Variants in LRP2BP observed in about 807,000 individuals in gnomAD.
LRP2BP encodes LRP2-binding protein.
In LRP2BP, 38 loss-of-function variants were observed where a neutral mutation model predicts 45.2. The ratio of observed to expected loss-of-function variants is 0.84; its 90% CI spans 0.65 to 1.10. The LOEUF is 1.10. LRP2BP is among the 50% of genes least tolerant of loss of function. The pLI, the probability that LRP2BP is intolerant of heterozygous loss-of-function variation, is 0.00. For synonymous variants in LRP2BP, 153 were observed against 153.9 expected, an observed-to-expected ratio of 0.99 and a Z score of 0.04; for missense variants, 385 against 418.9, an observed-to-expected ratio of 0.92 and a Z score of 0.71.
chr4:185,371,962 T>C (rs2095417602), intron 7 of LRP2BP, among the ~76,000 whole-genome samples: 1 of 152,058 alleles, frequency 6.6e-6, no homozygotes, highest in South Asian at 2.1e-4. Context: ...CACTCTAGAG[T>C]ACACCCAGGT....
At chr4:185,397,138 C>T (rs1214555053), upstream of LRP2BP, 1 of 1,613,014 alleles carries the variant, frequency 6.2e-7, no homozygotes. Flanking sequence ...TGGATCTGTT[C>T]TCTTCCTGCA....
chr4:185,371,388 A>C (rs947515848), intron 7 of LRP2BP, among the ~76,000 whole-genome samples: 3 of 151,898 alleles, frequency 2.0e-5, no homozygotes, highest in Admixed American at 6.6e-5. Flanking sequence ...AAAAGATACA[A>C]AAAATTAGCT....
chr4:185,396,017 G>T, upstream of LRP2BP: 1 of 599,278 alleles, frequency 1.7e-6, no homozygotes, highest in Non-Finnish European at 2.1e-6. Flanking sequence ...CCGCGGGGCC[G>T]GACAGCGGCT....
Position 185,378,151 on chromosome 4 carries a change from G to T in LRP2BP, c.36C>A (p.Pro12=), listed in dbSNP as rs768915895. The part of the protein sequence containing the change: ...KLTSEKLPKN[P]FYASVSQYAA... ...CATACTGAGATACAGAGGCATAAAAGGGGTTCTTGGGCAACTTTTCACTGG... is the reference window on the plus strand; with the variant it reads ...CATACTGAGATACAGAGGCATAAAATGGGTTCTTGGGCAACTTTTCACTGG... The change falls in exon 2 of 9, where the codon CCC becomes CCA. Residue 12 remains proline (P), a synonymous_variant. Transcript: ENST00000505916. 1 of 1,613,926 alleles carries T rather than the reference G, an allele frequency of 6.2e-7. No individual in the cohort carries two copies. Among genetic ancestry groups the T allele is most frequent in the Non-Finnish European group, 8.5e-7 (1 of 1,180,014 alleles).
At chr4:185,368,540 C>A (rs1189045264) in intron 8 of LRP2BP, among the ~76,000 whole-genome samples, 3 of 152,206 alleles carry the variant, frequency 2.0e-5, no homozygotes, top group Non-Finnish European at 4.4e-5. Flanking sequence ...CACCTTGTGT[C>A]CTTTTGCTCT....
At chr4:185,370,926 T>C (rs2095412616) in intron 7 of LRP2BP, 112 bp from the exon 8 acceptor site, 2 of 1,172,956 alleles carry the variant, frequency 1.7e-6, no homozygotes, top group African/African-American at 3.0e-5. Context: ...CTCTACTGCT[T>C]TGAGAACTAA....
chr4:185,373,227 A>G, intron 6 of LRP2BP, 148 bp from the exon 7 acceptor site: 1 of 704,778 alleles, frequency 1.4e-6, no homozygotes, highest in Non-Finnish European at 2.3e-6. Flanking sequence ...CGCATTTCAC[A>G]CTAGCACACA....
chr4:185,379,911 C>T (rs1401542236), intron 1 of LRP2BP, among the ~76,000 whole-genome samples: 2 of 152,156 alleles, frequency 1.3e-5, no homozygotes, highest in African/African-American at 4.8e-5. Flanking sequence ...GCAGCCTCAA[C>T]CTCTTGGGCT....
At chr4:185,397,110 C>T, upstream of LRP2BP, 3 of 1,611,312 alleles carry the variant, frequency 1.9e-6, no homozygotes, top group Non-Finnish European at 2.5e-6. Context: ...CGGGACTGGA[C>T]AAAGGTGGGA....
chr4:185,374,584 G>A (rs927943319), intron 4 of LRP2BP, 123 bp from the exon 5 acceptor site: 1 of 1,011,400 alleles, frequency 9.9e-7, no homozygotes, highest in Non-Finnish European at 1.4e-6. Flanking sequence ...ATGAATCTGT[G>A]CCCAAGGGGT....
Position 185,378,181 on chromosome 4 carries a change from C to T in LRP2BP, c.6G>A (p.Lys2=), listed in dbSNP as rs149880620. 4.6e-4 allele frequency: 745 copies of T among 1,613,748 alleles called. No individual in the cohort carries two copies. Among genetic ancestry groups the T allele is most frequent in the Non-Finnish European group, 5.8e-4 (679 of 1,179,952 alleles). M[K]LTSEKLPKNP... The stretch of plus-strand genomic sequence containing the variant: ...TCTTGGGCAACTTTTCACTGGTCAA[C>T]TTCATCCTTTTTCTGCAATGTGTAT... Residue 2 remains lysine (K), a synonymous_variant, in exon 2 of 9, where the codon AAG becomes AAA. Transcript: ENST00000505916.
Position 185,375,677 on chromosome 4 carries a change from T to C in LRP2BP, c.266A>G (p.Asp89Gly). The part of the protein sequence containing the change: ...LEQFEEIKEK[D>G]HQATYQLGVM... ...TCCTAGCTGGTAAGTTGCTTGATGG[T>C]CTTTCTCCTTGATTTCTTCAAACTG... The change falls in exon 4 of 9, where the codon GAC becomes GGC. Residue 89 changes from aspartate (D) to glycine (G), a missense_variant. Physicochemically the swap from Asp to Gly is moderately conservative, Grantham distance 94 (BLOSUM62 -1). Coordinates refer to ENST00000505916, the MANE Select transcript of LRP2BP (RefSeq NM_001377440.1). 6.2e-7 allele frequency: 1 copy of C among 1,611,994 alleles called. No individual in the cohort carries two copies. Among genetic ancestry groups the C allele is most frequent in the Non-Finnish European group, 8.5e-7 (1 of 1,179,296 alleles).
At chr4:185,394,631 C>T in intron 1 of LRP2BP, 148 bp downstream of exon 1, 2 of 450,268 alleles carry the variant, frequency 4.4e-6, no homozygotes, top group Non-Finnish European at 5.9e-6. Context: ...GTATCACACA[C>T]TGCCCCCAGA....
upstream of LRP2BP, chr4:185,396,986 C>A (rs1247390502): frequency 1.2e-5 from 20 of 1,612,814 alleles, no homozygotes; most frequent in Non-Finnish European, 1.7e-5. Context: ...AGCTTTTGTC[C>A]TGCAGGCTCA....
At position 185,374,450 on chromosome 4, in the gene LRP2BP, C is replaced by T; in HGVS notation, c.342G>A (p.Val114=). 1 of 1,611,320 alleles carries T rather than the reference C, an allele frequency of 6.2e-7. No homozygotes were observed. The highest frequency in any genetic ancestry group is 2.2e-5 in the East Asian group (1 of 44,866). ...AATCAAGAATTTTCTTCATATAGTC[C>T]ACCCCTTTCTCCTTCGACAAAAGAA... The part of the protein sequence containing the change: ...LGTTLDAEKG[V]DYMKKILDSP... Residue 114 remains valine (V), a synonymous_variant, in exon 5 of 9, where the codon GTG becomes GTA. Transcript: ENST00000505916.
chr4:185,382,003 A>C (rs530285079), intron 1 of LRP2BP, among the ~76,000 whole-genome samples: 152 of 152,300 alleles, frequency 1.0e-3, no homozygotes, highest in African/African-American at 3.6e-3. Flanking sequence ...CAGAAGAAAC[A>C]CTGTAGCATC....
intron 1 of LRP2BP, among the ~76,000 whole-genome samples, chr4:185,387,012 A>G (rs907152359): frequency 1.3e-5 from 2 of 152,188 alleles, no homozygotes; most frequent in African/African-American, 4.8e-5. Context: ...TTGGGAGGCC[A>G]AGGTGGGCAG....
chr4:185,395,850 T>G lies in LRP2BP; in HGVS notation c.-1093A>C. The G allele has an allele frequency of 1.0e-6, 1 of 985,412 alleles. No homozygotes were observed. Among genetic ancestry groups the G allele is most frequent in the Non-Finnish European group, 1.2e-6 (1 of 829,932 alleles). The allele number at this position is 985,412 out of a possible 1,614,324, so 61.0% of individuals were successfully genotyped here. On this transcript the variant is annotated 5_prime_UTR_variant, in exon 1 of 9. Coordinates refer to ENST00000505916, the MANE Select transcript of LRP2BP (RefSeq NM_001377440.1). ...CAACAGAAGGGAATCACTAAAAATGTAGGGGAAAAGAAACACTCGGCTGGA... is the reference window on the plus strand; with the variant it reads ...CAACAGAAGGGAATCACTAAAAATGGAGGGGAAAAGAAACACTCGGCTGGA...
Position 185,374,155 on chromosome 4 carries a change from C to A in LRP2BP, c.559G>T (p.Glu187Ter). The A allele has an allele frequency of 6.2e-7, 1 of 1,614,104 alleles. No individual in the cohort carries two copies. ...GTTACCTTTTCTAACTCCTTGGGCTCCTTGGTTGAGTAATACAGCCCGAGC... is the reference window on the plus strand; with the variant it reads ...GTTACCTTTTCTAACTCCTTGGGCTACTTGGTTGAGTAATACAGCCCGAGC... Reference protein sequence around the residue: ...SMLGLYYSTKEPKELEKAFYW... With the variant: ...SMLGLYYSTK The change falls in exon 6 of 9, where the codon GAG (glutamate) becomes TAG (stop). Residue 187 changes from glutamate to a stop codon, truncating the protein, a stop_gained. Coordinates refer to ENST00000505916, the MANE Select transcript of LRP2BP (RefSeq NM_001377440.1). LOFTEE classifies it high-confidence loss of function.
Sources: gnomAD v4.1 joint callset for allele counts (sites outside exome capture counted in the v4.1 genomes callset) on GRCh38, gnomAD v4.1.1 for gene constraint, MANE v1.5 for transcripts, NCBI Gene and HGNC (gene_info 2026-07-23, HGNC 2026-07-21) for gene names.